The following DCBLD2 variants were observed in gnomAD, a reference collection of about 807,000 sequenced individuals.
The protein encoded by DCBLD2 is discoidin, CUB and LCCL domain-containing protein 2.
In DCBLD2, 54 loss-of-function variants were observed where a neutral mutation model predicts 86.8. The observed-to-expected ratio is 0.62, with a 90% CI of 0.50 to 0.78. The LOEUF (loss-of-function observed/expected upper bound fraction) is 0.78, where lower values mean the gene tolerates loss of function less well. Among genes scored for constraint, DCBLD2 ranks in the 30% least tolerant of loss-of-function variants. The pLI is 0.00. For missense variants in DCBLD2, 908 were observed against 954.2 expected (o/e 0.95, Z 0.64); for synonymous variants, 354 against 341.3 (o/e 1.04, Z -0.41).
intron 9 of DCBLD2, chr3:98,814,591 A>G (rs1482117262): frequency 1.3e-5 from 2 of 152,168 alleles, no homozygotes; most frequent in Non-Finnish European, 2.9e-5. Flanking sequence ...GTGATATATT[A>G]TGAAAACAAA....
chr3:98,869,204 G>T (rs1943215203), intron 2 of DCBLD2, among the ~76,000 whole-genome samples: 1 of 152,178 alleles, frequency 6.6e-6, no homozygotes, highest in Non-Finnish European at 1.5e-5. Context: ...GTGATGACTA[G>T]TGATGTTGAG....
intron 1 of DCBLD2, chr3:98,900,835 A>G (rs1323356724): frequency 2.1e-5 from 10 of 476,198 alleles, no homozygotes; most frequent in African/African-American, 2.0e-4. Context: ...CCTCCCCAAA[A>G]TTTTCCCCAG....
chr3:98,827,527 T>C (rs1942244006), intron 3 of DCBLD2, among the ~76,000 whole-genome samples: 1 of 152,204 alleles, frequency 6.6e-6, no homozygotes, highest in African/African-American at 2.4e-5. Context: ...TCCAAAACTA[T>C]GCCATGCAAA....
intron 3 of DCBLD2, among the ~76,000 whole-genome samples, chr3:98,829,347 C>T (rs549479636): frequency 6.6e-5 from 10 of 152,116 alleles, no homozygotes; most frequent in Admixed American, 3.3e-4. Flanking sequence ...TATAGGTAAA[C>T]TTGTGTCATG....
chr3:98,860,721 G>T (rs557375614), intron 2 of DCBLD2, among the ~76,000 whole-genome samples: 1 of 152,276 alleles, frequency 6.6e-6, no homozygotes, highest in East Asian at 1.9e-4. Flanking sequence ...GCTCCTAAAG[G>T]AAGCACTAAA....
At chr3:98,869,490 C>T (rs1319715503) in intron 2 of DCBLD2, among the ~76,000 whole-genome samples, 1 of 152,126 alleles carries the variant, frequency 6.6e-6, no homozygotes, top group African/African-American at 2.4e-5. Context: ...CTGTCTCTTA[C>T]TAATAAATTC....
At chr3:98,857,233 G>A (rs1942947357) in intron 2 of DCBLD2, among the ~76,000 whole-genome samples, 1 of 152,172 alleles carries the variant, frequency 6.6e-6, no homozygotes, top group Non-Finnish European at 1.5e-5. Context: ...CAGGAGTGAA[G>A]CTGCAGACCT....
At chr3:98,894,565 TA>T in intron 1 of DCBLD2, among the ~76,000 whole-genome samples, 1 of 152,174 alleles carries the variant, frequency 6.6e-6, no homozygotes, top group East Asian at 1.9e-4. Context: ...ATTCCTCTCA[TA>T]GTCAAGGGTG....
intron 2 of DCBLD2, among the ~76,000 whole-genome samples, chr3:98,875,418 T>C (rs1424766100): frequency 2.0e-5 from 3 of 151,696 alleles, no homozygotes; most frequent in Admixed American, 2.0e-4. Context: ...AAAGTAGATG[T>C]GAAGAAAGGA....
chr3:98,844,664 C>G (rs1271922295), intron 3 of DCBLD2, among the ~76,000 whole-genome samples: 3 of 152,100 alleles, frequency 2.0e-5, no homozygotes, highest in Non-Finnish European at 4.4e-5. Context: ...CACCTGGCCA[C>G]ATTCATTATT....
At chr3:98,869,742 G>T (rs1389886651) in intron 2 of DCBLD2, among the ~76,000 whole-genome samples, 1 of 152,194 alleles carries the variant, frequency 6.6e-6, no homozygotes, top group Non-Finnish European at 1.5e-5. Flanking sequence ...CATTAGAATT[G>T]TCTGAATCAT....
chr3:98,800,761 G>C (rs200741499), intron 14 of DCBLD2, 45 bp from the exon 15 acceptor site: 1 of 1,612,116 alleles, frequency 6.2e-7, no homozygotes, highest in Non-Finnish European at 8.5e-7. Flanking sequence ...ATAAAAACCT[G>C]TATCTCAAAC....
chr3:98,811,146 G>A, intron 12 of DCBLD2, 48 bp downstream of exon 12: 7 of 1,495,620 alleles, frequency 4.7e-6, no homozygotes, highest in Admixed American at 2.4e-5. Context: ...CTTCAGTTAA[G>A]AACAAAACAA....
chr3:98,808,136 T>C lies in DCBLD2; in HGVS notation c.1615A>G (p.Met539Val), dbSNP rs1941873672. The change falls in exon 13 of 16, where the codon ATG becomes GTG. Residue 539 changes from methionine (M) to valine (V), a missense_variant. Physicochemically the swap from Met to Val is conservative, Grantham distance 21. Transcript: ENST00000326840. ...ATGAGAATGAGAGTAGTGAGGACCATGACCAGCACAGGGACAAGAACTGCA... is the reference window on the plus strand; with the variant it reads ...ATGAGAATGAGAGTAGTGAGGACCACGACCAGCACAGGGACAAGAACTGCA... ...LAAVLVPVLV[M>V]VLTTLILILV... The C allele has an allele frequency of 6.2e-7, 1 of 1,607,228 alleles. No homozygotes were observed. The highest frequency in any genetic ancestry group is 8.5e-7 in the Non-Finnish European group (1 of 1,176,942).
chr3:98,839,257 CTTTCTT>C (rs964403479), intron 3 of DCBLD2, among the ~76,000 whole-genome samples: 1 of 134,960 alleles, frequency 7.4e-6, no homozygotes, highest in African/African-American at 2.8e-5. Flanking sequence ...CTTTCTTCCT[CTTTCTT>C]TCTCAGAGTC....
intron 2 of DCBLD2, among the ~76,000 whole-genome samples, chr3:98,879,465 C>A (rs1215320985): frequency 6.6e-6 from 1 of 152,084 alleles, no homozygotes; most frequent in Non-Finnish European, 1.5e-5. Flanking sequence ...CGGCTCACTG[C>A]AAGCTCCGTC....
chr3:98,811,277 C>G lies in DCBLD2; in HGVS notation c.1493G>C (p.Ser498Thr). The change falls in exon 12 of 16, where the codon AGC becomes ACC. Residue 498 changes from serine (S) to threonine (T), a missense_variant. Ser to Thr is a moderately conservative substitution (Grantham distance 58). Transcript: ENST00000326840. Reference protein sequence around the residue: ...KFTQPLQPRSSNEFPAQTEQT... With the variant: ...KFTQPLQPRSTNEFPAQTEQT... ...TTCTGTCTGTGCAGGAAATTCATTG[C>G]TACTGCGAGGTTGTAGTGGTTGCGT... The G allele has an allele frequency of 6.2e-7, 1 of 1,612,954 alleles. No homozygotes were observed.
intron 3 of DCBLD2, among the ~76,000 whole-genome samples, chr3:98,834,101 C>T (rs1018885906): frequency 6.7e-6 from 1 of 149,948 alleles, no homozygotes. Flanking sequence ...GGTGGTTGTC[C>T]TGCTTTGCTT....
chr3:98,856,242 C>G (rs1036226308), intron 2 of DCBLD2, among the ~76,000 whole-genome samples: 12 of 152,110 alleles, frequency 7.9e-5, no homozygotes, highest in African/African-American at 2.9e-4. Flanking sequence ...CAGTTAAATG[C>G]TGAGAAATGG....
Sources: gnomAD v4.1 joint callset for allele counts (sites outside exome capture counted in the v4.1 genomes callset) on GRCh38, gnomAD v4.1.1 for gene constraint, MANE v1.5 for transcripts, NCBI Gene and HGNC (gene_info 2026-07-23, HGNC 2026-07-21) for gene names.